The following IDUA variants were observed in gnomAD, a reference collection of about 807,000 sequenced individuals.
The protein encoded by IDUA is alpha-L-iduronidase, also known as iduronidase alpha-L-.
In IDUA, 65 loss-of-function variants were observed where a neutral mutation model predicts 68.9. That is an observed-to-expected ratio of 0.94 (90% CI 0.77 to 1.16). The LOEUF is 1.16. Ranked by LOEUF, IDUA falls within the 50% of genes most tolerant of loss-of-function variation. The pLI is 0.00. For missense variants in IDUA, 1,046 were observed against 938.0 expected (o/e 1.12, Z -1.50); for synonymous variants, 529 against 433.6 (o/e 1.22, Z -2.73).
chr4:1,000,483 G>A lies in IDUA; in HGVS notation c.300-129G>A, dbSNP rs1269594115. On this transcript the variant is annotated intron_variant, in intron 2 of 13. Transcript: ENST00000514224. ...ATTTTCCAAGGGGAAGGGCCCCTCG[G>A]GAAGCCGGGATCGGAGTCCTGTGTG... is the stretch of plus-strand genomic sequence containing the variant. 4.0e-6 allele frequency: 3 copies of A among 758,296 alleles called. No homozygotes were observed. In the East Asian group the frequency reaches 7.7e-5, roughly 20 times the overall value. The allele number at this position is 758,296 out of a possible 1,614,324, so 47.0% of individuals were successfully genotyped here.
chr4:1,002,683 G>T, intron 8 of IDUA, 49 bp from the exon 9 acceptor site: 4 of 1,332,602 alleles, frequency 3.0e-6, no homozygotes, highest in Non-Finnish European at 4.1e-6. Context: ...GGGTCGGGGG[G>T]CGGCTGGGCA....
chr4:990,543 T>C, intron 2 of IDUA: 1 of 624,466 alleles, frequency 1.6e-6, no homozygotes, highest in Non-Finnish European at 2.8e-6. Context: ...CCACGCGTGC[T>C]CATGCCCGCA....
chr4:988,838 G>A lies in IDUA; in HGVS notation c.299+889G>A, dbSNP rs764346334. On this transcript the variant is annotated intron_variant, in intron 2 of 13. Transcript: ENST00000514224. ...GCTGGGCAGGCCTGGCCCTGCTACA[G>A]ATGGGCATCGGTGGCCTCCAGCTCC... 1.9e-6 allele frequency: 3 copies of A among 1,593,948 alleles called. No individual in the cohort carries two copies. The highest frequency in any genetic ancestry group is 1.8e-4 in the Middle Eastern group (1 of 5,702).
chr4:1,001,670 C>T lies in IDUA; in HGVS notation c.590-9C>T, dbSNP rs1424596942. 1 of 1,602,788 alleles carries T rather than the reference C, an allele frequency of 6.2e-7. No homozygotes were observed. The highest frequency in any genetic ancestry group is 1.1e-5 in the South Asian group (1 of 90,912). ...GGGCAGGTGTAGACGCAGTGCTCCCCCGGCCCAGGCTTCCTGAACTACTAC... is the reference window on the plus strand; with the variant it reads ...GGGCAGGTGTAGACGCAGTGCTCCCTCGGCCCAGGCTTCCTGAACTACTAC... On this transcript the variant is annotated splice_polypyrimidine_tract_variant and intron_variant, in intron 5 of 13. Coordinates refer to ENST00000514224, the MANE Select transcript of IDUA (RefSeq NM_000203.5).
chr4:1,002,931 G>C lies in IDUA; in HGVS notation c.1389G>C (p.Val463=). 1.5e-6 allele frequency: 2 copies of C among 1,359,334 alleles called. No individual in the cohort carries two copies. Among genetic ancestry groups the C allele is most frequent in the Non-Finnish European group, 9.4e-7 (1 of 1,064,004 alleles). The allele number at this position is 1,359,334 out of a possible 1,614,324, so 84.2% of individuals were successfully genotyped here. A position where few individuals can be genotyped will look rare whatever the true frequency, so the allele number is the denominator to read the frequency against. The change falls in exon 9 of 14, where the codon GTG becomes GTC. Residue 463 remains valine, a synonymous_variant. Transcript: ENST00000514224. ...SVAVTLRLRG[V]PPGPGLVYVT... ...CGGTGACCCTGCGGCTGCGCGGGGT[G>C]CCCCCCGGCCCGGGTAAGCCGGGGT... is the stretch of plus-strand genomic sequence containing the variant.
At chr4:994,594 C>T (rs1343731934) in intron 2 of IDUA, among the ~76,000 whole-genome samples, 6 of 151,972 alleles carry the variant, frequency 3.9e-5, no homozygotes, top group Middle Eastern at 3.4e-3. Context: ...CCCGCCACCA[C>T]GCCCGGCTAA....
intron 2 of IDUA, among the ~76,000 whole-genome samples, chr4:999,098 A>G (rs189180247): frequency 0.04 from 6,134 of 151,906 alleles, 287 homozygotes; most frequent in African/African-American, 0.11. Context: ...CCAGCTACTC[A>G]GGAGGCTGAG....
intron 2 of IDUA, among the ~76,000 whole-genome samples, chr4:999,381 G>A (rs912702456): frequency 1.3e-5 from 2 of 152,142 alleles, no homozygotes; most frequent in African/African-American, 4.8e-5. Flanking sequence ...CCCACCAGCT[G>A]CCTCCCTGCT....
chr4:991,583 A>G (rs1397492576), intron 2 of IDUA: 2 of 1,599,660 alleles, frequency 1.3e-6, no homozygotes, highest in Non-Finnish European at 1.7e-6. Context: ...AGCACACTGC[A>G]CGAGCAGCTG....
intron 2 of IDUA, chr4:990,236 G>A (rs771499527): frequency 8.9e-6 from 14 of 1,577,486 alleles, no homozygotes; most frequent in East Asian, 6.9e-5. Flanking sequence ...CGCGGGATCC[G>A]CACGCCCAGC....
chr4:1,001,006 C>T lies in IDUA; in HGVS notation c.493+17C>T, dbSNP rs1456814988. 6.4e-7 allele frequency: 1 copy of T among 1,572,596 alleles called. No homozygotes were observed. The highest frequency in any genetic ancestry group is 1.3e-5 in the African/African-American group (1 of 74,172). On this transcript the variant is annotated intron_variant, in intron 4 of 13. Transcript: ENST00000514224. ...GATACATCGGTGGGCGAGCGCAGGCCCTGGGGCCCTGGCCGGGGCGGGGGT... is the reference window on the plus strand; with the variant it reads ...GATACATCGGTGGGCGAGCGCAGGCTCTGGGGCCCTGGCCGGGGCGGGGGT...
rs1285206431 is a variant in IDUA, at chr4:1,002,713, G to A, written c.1190-19G>A. The A allele has an allele frequency of 1.5e-6, 2 of 1,364,576 alleles. No individual in the cohort carries two copies. Among genetic ancestry groups the A allele is most frequent in the African/African-American group, 3.1e-5 (2 of 64,738 alleles). The allele number at this position is 1,364,576 out of a possible 1,614,324, so 84.5% of individuals were successfully genotyped here. A position where few individuals can be genotyped will look rare whatever the true frequency, so the allele number is the denominator to read the frequency against. Reference sequence around the variant, plus strand: ...TGGGCAACGACCCCACGCGGCGACGGCCCCCCCCCGCCCCGCAGATGAGGA... The same window carrying A: ...TGGGCAACGACCCCACGCGGCGACGACCCCCCCCCGCCCCGCAGATGAGGA... On this transcript the variant is annotated intron_variant, in intron 8 of 13. Coordinates refer to ENST00000514224, the MANE Select transcript of IDUA (RefSeq NM_000203.5).
Position 1,002,095 on chromosome 4 carries a change from G to C in IDUA, c.906G>C (p.Pro302=). Residue 302 remains proline, a synonymous_variant, in exon 7 of 14, where the codon CCG becomes CCC. Coordinates refer to ENST00000514224, the MANE Select transcript of IDUA (RefSeq NM_000203.5). ...DTPIYNDEAD[P]LVGWSLPQPW... ...CCATTTACAACGACGAGGCGGACCC[G>C]CTGGTGGGCTGGTCCCTGCCACAGC... is the stretch of plus-strand genomic sequence containing the variant. 6.4e-7 allele frequency: 1 copy of C among 1,573,890 alleles called. No individual in the cohort carries two copies. The highest frequency in any genetic ancestry group is 8.6e-7 in the Non-Finnish European group (1 of 1,160,672).
intron 4 of IDUA, chr4:1,001,231 G>C: frequency 1.6e-6 from 1 of 623,210 alleles, no homozygotes; most frequent in South Asian, 1.9e-5. Context: ...GGGGTGGGGG[G>C]TACTCCTGGG....
rs112884255 is a variant in IDUA, at chr4:1,004,381, G to A, written c.1950G>A (p.Pro650=). 29 of 1,610,412 alleles carry A rather than the reference G, an allele frequency of 1.8e-5. No homozygotes were observed. The highest frequency in any genetic ancestry group is 1.9e-4 in the Middle Eastern group (1 of 5,350). The change falls in exon 14 of 14, where the codon CCG becomes CCA. Residue 650 remains proline, a synonymous_variant. Coordinates refer to ENST00000514224, the MANE Select transcript of IDUA (RefSeq NM_000203.5). The surrounding 1 kb of genome is among the most constrained non-coding windows in gnomAD (Gnocchi z 5.0). ...EVPVPRGPPS[P]GNP is the part of the protein sequence containing the mutation. ...CTGTGCCAAGAGGGCCCCCATCCCC[G>A]GGCAATCCATGAGCCTGTGCTGAGC...
At chr4:1,002,233 G>A (rs1261524533) in intron 7 of IDUA, 36 bp from the exon 8 acceptor site, 1 of 1,588,872 alleles carries the variant, frequency 6.3e-7, no homozygotes, top group Admixed American at 1.8e-5. Context: ...AGCGGTGGCC[G>A]CGCCACCCGG....
rs201106151 is a variant in IDUA at position 989,428 on chromosome 4, C to T, written c.299+1479C>T. ...CAGGGCGGTGCGTGGGCGTTGGGTG[C>T]GGCCGGCCAGGCTGAGCAGCGAGAG... On this transcript the variant is annotated intron_variant, in intron 2 of 13. Coordinates refer to ENST00000514224, the MANE Select transcript of IDUA (RefSeq NM_000203.5). 466 of 1,554,954 alleles carry T rather than the reference C, an allele frequency of 3.0e-4. 2 individuals are homozygous for T. The African/African-American group carries it at 4.2e-3, about 14-fold the overall frequency.
chr4:987,036 G>A (rs1217574831), upstream of IDUA: 2 of 1,513,904 alleles, frequency 1.3e-6, no homozygotes, highest in Non-Finnish European at 1.8e-6. Flanking sequence ...CCCGGAGGCG[G>A]AACCGGCAGT....
chr4:1,001,939 G>C (rs1297961427), intron 6 of IDUA, 43 bp from the exon 7 acceptor site: 1 of 1,569,844 alleles, frequency 6.4e-7, no homozygotes, highest in African/African-American at 1.3e-5. Flanking sequence ...CTGTGCCCCG[G>C]GCCGCGCTGA....
Sources: gnomAD v4.1 joint callset for allele counts (sites outside exome capture counted in the v4.1 genomes callset) on GRCh38, gnomAD v4.1.1 for gene constraint, Gnocchi (gnomAD v3.1) non-coding constraint, MANE v1.5 for transcripts, NCBI Gene and HGNC (gene_info 2026-07-23, HGNC 2026-07-21) for gene names.